The following TMED10 variants were observed in gnomAD, a reference collection of about 807,000 sequenced individuals.
TMED10 encodes transmembrane emp24 domain-containing protein 10.
A neutral mutation model predicts 23.1 loss-of-function variants in TMED10; 7 were observed. The observed-to-expected ratio is 0.30, with a 90% CI of 0.17 to 0.57. The LOEUF (loss-of-function observed/expected upper bound fraction) is 0.57. Among genes scored for constraint, TMED10 ranks in the 20% least tolerant of loss-of-function variants. The pLI, the probability that TMED10 is intolerant of heterozygous loss-of-function variation, is 0.91. For synonymous variants in TMED10, 113 were observed against 106.9 expected (o/e 1.06, Z -0.35); for missense variants, 162 against 274.8 (o/e 0.59, Z 2.90).
At chr14:75,153,663 T>C (rs1408953451) in intron 1 of TMED10, among the ~76,000 whole-genome samples, 2 of 152,210 alleles carry the variant, frequency 1.3e-5, no homozygotes, top group Non-Finnish European at 2.9e-5. Flanking sequence ...ATAATTCTTT[T>C]AAGGGGAAAT....
At chr14:75,137,708 CTTT>C (rs368437388) in intron 3 of TMED10, among the ~76,000 whole-genome samples, 5 of 131,174 alleles carry the variant, frequency 3.8e-5, no homozygotes, top group Non-Finnish European at 3.2e-5. Flanking sequence ...TTCTTTCTTT[CTTT>C]TTTTTTTTTT....
At chr14:75,148,987 G>A (rs544753840) in intron 2 of TMED10, among the ~76,000 whole-genome samples, 68 of 152,292 alleles carry the variant, frequency 4.5e-4, no homozygotes, top group Non-Finnish European at 8.7e-4. Context: ...CACCATCATG[G>A]CTCACTGTAG....
intron 1 of TMED10, among the ~76,000 whole-genome samples, chr14:75,167,621 T>C (rs1166017947): frequency 1.3e-5 from 2 of 152,216 alleles, no homozygotes; most frequent in Non-Finnish European, 2.9e-5. Context: ...GATTCAAGGC[T>C]GAACTCTTTA....
intron 1 of TMED10, among the ~76,000 whole-genome samples, chr14:75,174,100 C>G (rs1271665130): frequency 6.6e-6 from 1 of 152,166 alleles, no homozygotes; most frequent in Admixed American, 6.6e-5. Flanking sequence ...CCATGCTAAA[C>G]TACAGTTCCT....
intron 1 of TMED10, among the ~76,000 whole-genome samples, chr14:75,155,119 C>T (rs1441529232): frequency 2.0e-5 from 3 of 152,048 alleles, no homozygotes; most frequent in Non-Finnish European, 4.4e-5. Context: ...CCCCCAAGCC[C>T]GGCTAATTTT....
intron 1 of TMED10, among the ~76,000 whole-genome samples, chr14:75,171,174 C>G (rs569230475): frequency 6.0e-5 from 9 of 151,032 alleles, no homozygotes; most frequent in African/African-American, 2.2e-4. Context: ...TGATGATAGC[C>G]GGGGAAGGAG....
intron 2 of TMED10, among the ~76,000 whole-genome samples, chr14:75,149,901 C>T (rs1419540809): frequency 6.6e-6 from 1 of 152,114 alleles, no homozygotes; most frequent in Non-Finnish European, 1.5e-5. Flanking sequence ...GGTTCGAGTT[C>T]GAGACCAGCT....
In TMED10 at chr14:75,158,648, G is replaced by A. The variant is rs141611724; in HGVS notation, c.226-6505C>T. Among the ~76,000 whole-genome samples, 873 of 152,006 alleles carry A rather than the reference G, an allele frequency of 5.7e-3. 7 individuals carry two copies. Among genetic ancestry groups the A allele is most frequent in the African/African-American group, 0.02 (838 of 41,546 alleles). On this transcript the variant is annotated intron_variant, in intron 1 of 4. Transcript: ENST00000303575. The stretch of plus-strand genomic sequence containing the variant: ...AGCCAAAAAGTACTTCAGAGGGCCG[G>A]GTGTGGTGGCTCATGCCTGTAATCC...
At chr14:75,176,301 C>T in intron 1 of TMED10, 54 bp downstream of exon 1, 1 of 1,603,840 alleles carries the variant, frequency 6.2e-7, no homozygotes, top group South Asian at 1.1e-5. Flanking sequence ...CCGAGCCTCC[C>T]CTCGCCTAAG....
Position 75,135,743 on chromosome 14 carries a change from G to A in TMED10, c.538+17C>T. 1.4e-5 allele frequency: 22 copies of A among 1,611,176 alleles called. No individual in the cohort carries two copies. Among genetic ancestry groups the A allele is most frequent in the Non-Finnish European group, 1.8e-5 (21 of 1,179,236 alleles). On this transcript the variant is annotated intron_variant, in intron 4 of 4. Transcript: ENST00000303575. ...TTTATGGGTCACTTAAGAAGTAAGA[G>A]TCGCCTTCCCCCTCACCGTTGGTAT...
intron 1 of TMED10, among the ~76,000 whole-genome samples, chr14:75,156,434 C>T (rs1449101581): frequency 6.6e-6 from 1 of 151,798 alleles, no homozygotes; most frequent in African/African-American, 2.4e-5. Flanking sequence ...AAAGTAAATG[C>T]CCACAGAGAT....
At chr14:75,163,042 C>A (rs926330239) in intron 1 of TMED10, among the ~76,000 whole-genome samples, 9 of 151,566 alleles carry the variant, frequency 5.9e-5, no homozygotes, top group Admixed American at 2.6e-4. Context: ...TGAGACCAGC[C>A]TGGGCAACAC....
At chr14:75,173,394 A>C (rs1896260228) in intron 1 of TMED10, among the ~76,000 whole-genome samples, 1 of 150,414 alleles carries the variant, frequency 6.6e-6, no homozygotes, top group Admixed American at 6.6e-5. Flanking sequence ...GAAGGAAGGG[A>C]AGGAAGAGGG....
At chr14:75,160,992 C>T (rs532862426) in intron 1 of TMED10, among the ~76,000 whole-genome samples, 20 of 152,128 alleles carry the variant, frequency 1.3e-4, no homozygotes, top group African/African-American at 4.8e-4. Context: ...TGCAGTGACC[C>T]GAGATTGTGC....
intron 1 of TMED10, among the ~76,000 whole-genome samples, chr14:75,161,574 T>C (rs184783702): frequency 5.3e-5 from 8 of 152,276 alleles, no homozygotes; most frequent in African/African-American, 1.9e-4. Flanking sequence ...ACTAACAGAC[T>C]CTTCATTTTC....
chr14:75,151,042 A>C (rs1226748131), intron 2 of TMED10, among the ~76,000 whole-genome samples: 1 of 151,920 alleles, frequency 6.6e-6, no homozygotes, highest in African/African-American at 2.4e-5. Context: ...AGCTGGGATT[A>C]CAGGCATGTG....
At chr14:75,154,252 AT>A (rs1895992296) in intron 1 of TMED10, among the ~76,000 whole-genome samples, 1 of 122,374 alleles carries the variant, frequency 8.2e-6, no homozygotes, top group East Asian at 2.5e-4. Flanking sequence ...AAAAAAAAAA[AT>A]TAGCCAGGAG....
At position 75,135,891 on chromosome 14, in the gene TMED10, A is replaced by T; in HGVS notation, c.412-5T>A. 6.2e-7 allele frequency: 1 copy of T among 1,613,484 alleles called. No homozygotes were observed. Among genetic ancestry groups the T allele is most frequent in the African/African-American group, 1.3e-5 (1 of 75,012 alleles). ...GAGCTTCTCAACTTTTGCAATCTGG[A>T]AAAGAATGGAATATTTTCAGCTCTC... On this transcript the variant is annotated splice_region_variant and splice_polypyrimidine_tract_variant and intron_variant, in intron 3 of 4. Transcript: ENST00000303575.
intron 1 of TMED10, among the ~76,000 whole-genome samples, chr14:75,162,368 C>T (rs1896095735): frequency 1.3e-5 from 2 of 152,164 alleles, no homozygotes; most frequent in African/African-American, 4.8e-5. Context: ...AAAGCTGAAA[C>T]AATCAGGGCA....
Sources: gnomAD v4.1 joint callset for allele counts (sites outside exome capture counted in the v4.1 genomes callset) on GRCh38, gnomAD v4.1.1 for gene constraint, MANE v1.5 for transcripts, NCBI Gene and HGNC (gene_info 2026-07-23, HGNC 2026-07-21) for gene names.